Variants in GRID2 observed in about 807,000 individuals in gnomAD.
GRID2 encodes glutamate ionotropic receptor delta type subunit 2, also known as glutamate receptor ionotropic, delta-2.
GRID2 carries 33 observed loss-of-function variants against 114.8 expected under a neutral mutation model. That is an observed-to-expected ratio of 0.29 (90% CI 0.22 to 0.38). The LOEUF (loss-of-function observed/expected upper bound fraction) is 0.38, where lower values mean the gene tolerates loss of function less well. Among genes scored for constraint, GRID2 ranks in the 10% least tolerant of loss-of-function variants. The probability of loss-of-function intolerance (pLI) is 1.00; values close to 1 mark genes in which losing one functional copy is unlikely to be tolerated. For missense variants in GRID2, 1,184 were observed against 1,257.7 expected (o/e 0.94, Z 0.89); for synonymous variants, 505 against 449.9 (o/e 1.12, Z -1.55).
intron 2 of GRID2, among the ~76,000 whole-genome samples, chr4:92,718,536 G>A (rs1735655517): frequency 6.6e-6 from 1 of 152,048 alleles, no homozygotes; most frequent in Admixed American, 6.6e-5. Context: ...GGCTGAGGCA[G>A]GACGATTATT....
At chr4:93,791,790 G>A (rs1000377133) in intron 1 of GRID2, among the ~76,000 whole-genome samples, 1 of 151,960 alleles carries the variant, frequency 6.6e-6, no homozygotes, top group Non-Finnish European at 1.5e-5. Flanking sequence ...CCAGATGGTG[G>A]CGCTGTGGTA....
At chr4:92,979,097 T>C (rs1560764726) in intron 2 of GRID2, among the ~76,000 whole-genome samples, 1 of 152,096 alleles carries the variant, frequency 6.6e-6, no homozygotes, top group African/African-American at 2.4e-5. Context: ...TAGGCATATG[T>C]AGCTATTGGT....
intron 14 of GRID2, among the ~76,000 whole-genome samples, chr4:93,708,821 G>A (rs1163163395): frequency 6.6e-6 from 1 of 150,460 alleles, no homozygotes; most frequent in Non-Finnish European, 1.5e-5. Context: ...TTCTTTGATG[G>A]CATATTTTAA....
chr4:92,956,662 T>C (rs1752431686), intron 2 of GRID2, among the ~76,000 whole-genome samples: 1 of 152,194 alleles, frequency 6.6e-6, no homozygotes, highest in Non-Finnish European at 1.5e-5. Flanking sequence ...TCATCTCCTT[T>C]GGATAAATAG....
chr4:92,727,380 G>C (rs1736117894), intron 2 of GRID2, among the ~76,000 whole-genome samples: 1 of 151,994 alleles, frequency 6.6e-6, no homozygotes, highest in East Asian at 1.9e-4. Flanking sequence ...TCTAGGAATA[G>C]AAAGGCTACT....
At chr4:92,716,437 ATGT>A (rs1418524852) in intron 2 of GRID2, among the ~76,000 whole-genome samples, 2 of 152,142 alleles carry the variant, frequency 1.3e-5, no homozygotes, top group Non-Finnish European at 2.9e-5. Context: ...AGGCTTTGAG[ATGT>A]TGTAATTATG....
intron 14 of GRID2, among the ~76,000 whole-genome samples, chr4:93,763,051 T>C (rs1733347291): frequency 6.6e-6 from 1 of 152,086 alleles, no homozygotes; most frequent in Non-Finnish European, 1.5e-5. Flanking sequence ...TTGCAGACTT[T>C]AGCAGCAGTC....
At chr4:93,728,561 T>G in intron 14 of GRID2, among the ~76,000 whole-genome samples, 1 of 152,146 alleles carries the variant, frequency 6.6e-6, no homozygotes, top group Non-Finnish European at 1.5e-5. Flanking sequence ...CTGTCTTGTT[T>G]TTCTGTCTAA....
chr4:92,424,923 T>G (rs1460478912), intron 1 of GRID2, among the ~76,000 whole-genome samples: 2 of 151,892 alleles, frequency 1.3e-5, no homozygotes, highest in Non-Finnish European at 2.9e-5. Context: ...ATAAAATAAT[T>G]TAATGAATGG....
intron 2 of GRID2, among the ~76,000 whole-genome samples, chr4:92,781,157 A>G (rs898760776): frequency 1.3e-5 from 2 of 152,048 alleles, no homozygotes; most frequent in Non-Finnish European, 2.9e-5. Flanking sequence ...GAGGCAGAAG[A>G]ATCGCTTGAA....
At chr4:93,011,944 G>A (rs1282587300) in intron 2 of GRID2, among the ~76,000 whole-genome samples, 1 of 151,850 alleles carries the variant, frequency 6.6e-6, no homozygotes, top group Non-Finnish European at 1.5e-5. Context: ...ATAGAACATA[G>A]ACAATACTTA....
intron 13 of GRID2, among the ~76,000 whole-genome samples, chr4:93,519,166 T>G (rs1418696501): frequency 1.3e-5 from 2 of 152,130 alleles, no homozygotes; most frequent in Non-Finnish European, 2.9e-5. Flanking sequence ...ACATCCTAAG[T>G]TGGCTTTTTC....
chr4:93,134,736 T>A (rs911609208), intron 4 of GRID2, among the ~76,000 whole-genome samples: 1 of 152,156 alleles, frequency 6.6e-6, no homozygotes, highest in African/African-American at 2.4e-5. Context: ...AATGATAATA[T>A]TGAATCAGGA....
intron 2 of GRID2, among the ~76,000 whole-genome samples, chr4:92,837,860 G>A (rs368212916): frequency 5.3e-5 from 8 of 152,026 alleles, no homozygotes; most frequent in African/African-American, 1.7e-4. Context: ...ATTTATGTTT[G>A]AGCCGCGAAT....
At chr4:92,376,586 C>A (rs147099118) in intron 1 of GRID2, among the ~76,000 whole-genome samples, 1 of 152,170 alleles carries the variant, frequency 6.6e-6, no homozygotes, top group African/African-American at 2.4e-5. Context: ...ATTAGGGACT[C>A]TGTGTGGGGG....
intron 2 of GRID2, among the ~76,000 whole-genome samples, chr4:93,010,231 TAC>T (rs1182465193): frequency 6.6e-6 from 1 of 152,122 alleles, no homozygotes; most frequent in Admixed American, 6.6e-5. Context: ...GATTATATGA[TAC>T]AGTTTCATTC....
chr4:93,087,550 A>G (rs1730439811), intron 3 of GRID2, among the ~76,000 whole-genome samples: 2 of 152,130 alleles, frequency 1.3e-5, no homozygotes, highest in South Asian at 4.1e-4. Flanking sequence ...ATTTATGCAT[A>G]TTTGAAATTT....
chr4:93,246,232 T>C (rs534391815), intron 8 of GRID2, among the ~76,000 whole-genome samples: 1 of 152,310 alleles, frequency 6.6e-6, no homozygotes, highest in African/African-American at 2.4e-5. Flanking sequence ...TCAATTACTG[T>C]CCTAGTTCCA....
chr4:93,220,834 AC>A (rs1420818347), intron 6 of GRID2, among the ~76,000 whole-genome samples: 1 of 152,180 alleles, frequency 6.6e-6, no homozygotes, highest in Non-Finnish European at 1.5e-5. Context: ...TATTTTTAAA[AC>A]GTCTATCACT....
Sources: allele counts gnomAD v4.1 joint callset (sites outside exome capture counted in the v4.1 genomes callset), GRCh38; gene constraint gnomAD v4.1.1; transcripts MANE v1.5; gene names NCBI Gene and HGNC (gene_info 2026-07-23, HGNC 2026-07-21).